Variants in CEP85L observed in about 807,000 individuals in gnomAD.
The protein encoded by CEP85L is centrosomal protein of 85 kDa-like.
CEP85L carries 60 observed loss-of-function variants against 100.3 expected under a neutral mutation model. The observed-to-expected ratio is 0.60, with a 90% confidence interval of 0.49 to 0.74. The LOEUF (loss-of-function observed/expected upper bound fraction) is 0.74, where lower values mean the gene tolerates loss of function less well. Among genes scored for constraint, CEP85L ranks in the 30% least tolerant of loss-of-function variants. CEP85L has a pLI of 0.00. For synonymous variants in CEP85L, 319 were observed against 322.7 expected (o/e 0.99, Z 0.12); for missense variants, 973 against 936.2 (o/e 1.04, Z -0.51).
chr6:118,572,272 TAAAAA>T (rs572307069), intron 2 of CEP85L, among the ~76,000 whole-genome samples: 5 of 107,644 alleles, frequency 4.6e-5, no homozygotes, highest in Admixed American at 9.9e-5. Context: ...ACCCATTCTT[TAAAAA>T]AAAAAAAAAA....
upstream of CEP85L, among the ~76,000 whole-genome samples, chr6:118,652,178 G>C (rs1026260792): frequency 6.6e-6 from 1 of 152,148 alleles, no homozygotes; most frequent in South Asian, 2.1e-4. Flanking sequence ...AGTACCCGAG[G>C]GGGAGAGGGG....
At chr6:118,563,735 G>A (rs574001088) in intron 3 of CEP85L, among the ~76,000 whole-genome samples, 2 of 152,278 alleles carry the variant, frequency 1.3e-5, no homozygotes, top group Admixed American at 1.3e-4. Flanking sequence ...ACAGGCGTGC[G>A]CTACAGTGCC....
chr6:118,628,597 T>C, intron 2 of CEP85L, among the ~76,000 whole-genome samples: 1 of 150,072 alleles, frequency 6.7e-6, no homozygotes, highest in East Asian at 1.9e-4. Flanking sequence ...ATCACACCAC[T>C]ACACTCTAGC....
intron 5 of CEP85L, among the ~76,000 whole-genome samples, chr6:118,495,575 G>C (rs1053105198): frequency 6.6e-6 from 1 of 152,080 alleles, no homozygotes; most frequent in Non-Finnish European, 1.5e-5. Context: ...CAGTCACGCG[G>C]AACTGTAAGT....
intron 2 of CEP85L, among the ~76,000 whole-genome samples, chr6:118,600,298 GGGGTGTGTGTGTGTGTGT>G (rs1781675127): frequency 5.9e-4 from 35 of 59,196 alleles, no homozygotes; most frequent in East Asian, 2.5e-3. Flanking sequence ...AGCCTTCCTG[GGGGTGTGTGTGTGTGTGT>G]GTGTGTGTGT....
chr6:118,612,888 A>C (rs981734870), intron 2 of CEP85L, among the ~76,000 whole-genome samples: 3 of 152,056 alleles, frequency 2.0e-5, no homozygotes, highest in Admixed American at 6.6e-5. Context: ...ACTGCTACCA[A>C]AACTGAAAAA....
chr6:118,491,196 TACACACACACACACACAC>T (rs1160030823), intron 6 of CEP85L, among the ~76,000 whole-genome samples: 2 of 116,432 alleles, frequency 1.7e-5, no homozygotes, highest in East Asian at 2.3e-4. Flanking sequence ...CCAACATCTA[TACACACACACACACACAC>T]ACACACACAC....
At chr6:118,473,620 G>A (rs1381856389) in intron 10 of CEP85L, among the ~76,000 whole-genome samples, 2 of 152,150 alleles carry the variant, frequency 1.3e-5, no homozygotes, top group East Asian at 3.8e-4. Context: ...GATGTAATCT[G>A]ATTTTTGTTC....
chr6:118,493,224 TA>T (rs1562196162), intron 5 of CEP85L, among the ~76,000 whole-genome samples: 1 of 152,164 alleles, frequency 6.6e-6, no homozygotes, highest in Non-Finnish European at 1.5e-5. Flanking sequence ...AGAACATTTT[TA>T]AAAAGGTTAA....
intron 4 of CEP85L, among the ~76,000 whole-genome samples, chr6:118,516,366 C>T (rs1456101590): frequency 1.3e-5 from 2 of 152,198 alleles, no homozygotes; most frequent in Non-Finnish European, 2.9e-5. Context: ...TACACTCCCA[C>T]CAACAGTGTA....
intron 5 of CEP85L, among the ~76,000 whole-genome samples, chr6:118,500,365 C>G (rs1202656229): frequency 8.3e-6 from 1 of 120,896 alleles, no homozygotes; most frequent in East Asian, 2.2e-4. Context: ...CGTGGGCAAA[C>G]TCACACTGCA....
At chr6:118,529,269 A>G (rs1777146544) in intron 3 of CEP85L, among the ~76,000 whole-genome samples, 1 of 152,124 alleles carries the variant, frequency 6.6e-6, no homozygotes, top group African/African-American at 2.4e-5. Flanking sequence ...TACACATTTG[A>G]TGAGTGTTTT....
intron 4 of CEP85L, among the ~76,000 whole-genome samples, chr6:118,516,958 T>TGCATATGGCTAGCCAGTTTTCC (rs1255993620): frequency 6.6e-6 from 1 of 152,236 alleles, no homozygotes; most frequent in African/African-American, 2.4e-5. Flanking sequence ...TTCAGTTTTC[T>TGCATATGGCTAGCCAGTTTTCC]GCATATGGCT....
At position 118,491,837 on chromosome 6, in the gene CEP85L, G is replaced by A; in HGVS notation, c.1286C>T (p.Thr429Ile). Residue 429 changes from threonine to isoleucine, a missense_variant, in exon 6 of 13, where the codon ACA (threonine) becomes ATA (isoleucine). This residue lies in a region of CEP85L where 890 missense variants were observed against 844.5 expected (regional missense o/e 1.05). Transcript: ENST00000368491. ...QPQYENTSLQ[T>I]PFSEESVSHS... The stretch of plus-strand genomic sequence containing the variant: ...GGAAACTGATTCCTCTGAAAATGGT[G>A]TCTGGAGTGAAGTGTTCTCATATTG... 1 of 1,611,410 alleles carries A rather than the reference G, an allele frequency of 6.2e-7. No homozygotes were observed.
At chr6:118,486,874 T>C (rs984908115) in intron 6 of CEP85L, among the ~76,000 whole-genome samples, 1 of 152,166 alleles carries the variant, frequency 6.6e-6, no homozygotes, top group South Asian at 2.1e-4. Flanking sequence ...GTTTTTTCCC[T>C]AGTCTACCTT....
At chr6:118,650,986 C>A (rs927551648) in intron 1 of CEP85L, among the ~76,000 whole-genome samples, 2 of 151,982 alleles carry the variant, frequency 1.3e-5, no homozygotes, top group African/African-American at 4.8e-5. Context: ...GCGGCGGGGA[C>A]GACGGGATGC....
intron 2 of CEP85L, among the ~76,000 whole-genome samples, chr6:118,610,242 TTAA>T (rs1015656120): frequency 2.6e-4 from 40 of 152,284 alleles, no homozygotes; most frequent in African/African-American, 9.1e-4. Context: ...CTTCACCAAA[TTAA>T]TAATACTAAT....
At chr6:118,491,039 C>G (rs1289635382) in intron 6 of CEP85L, among the ~76,000 whole-genome samples, 1 of 152,092 alleles carries the variant, frequency 6.6e-6, no homozygotes, top group Non-Finnish European at 1.5e-5. Flanking sequence ...TGGACAGACA[C>G]CTAGTAGTGG....
intron 2 of CEP85L, among the ~76,000 whole-genome samples, chr6:118,601,339 G>C (rs1781777995): frequency 6.6e-6 from 1 of 152,190 alleles, no homozygotes; most frequent in Admixed American, 6.5e-5. Context: ...GGTTATTACA[G>C]TCTACTTTTT....
Sources: gnomAD v4.1 joint callset for allele counts (sites outside exome capture counted in the v4.1 genomes callset) on GRCh38, gnomAD v4.1.1 for gene constraint, gnomAD v4.1.1 regional missense constraint, MANE v1.5 for transcripts, NCBI Gene and HGNC (gene_info 2026-07-23, HGNC 2026-07-21) for gene names.